CSMD3: variants seen among roughly 807,000 people sequenced by gnomAD.
CSMD3 encodes the protein CUB and sushi domain-containing protein 3.
A neutral mutation model predicts 435.2 loss-of-function variants in CSMD3; 177 were observed. The ratio of observed to expected loss-of-function variants is 0.41; its 90% confidence interval spans 0.36 to 0.46. The LOEUF (loss-of-function observed/expected upper bound fraction) is 0.46, where lower values mean the gene tolerates loss of function less well. Among genes scored for constraint, CSMD3 ranks in the 20% least tolerant of loss-of-function variants. CSMD3 has a pLI of 0.34. For missense variants in CSMD3, 4,265 were observed against 4,504.6 expected (o/e 0.95, Z 1.52); for synonymous variants, 1,656 against 1,520.5 (o/e 1.09, Z -2.07).
chr8:112,530,423 T>C (rs1043545519), intron 27 of CSMD3, among the ~76,000 whole-genome samples: 4 of 151,984 alleles, frequency 2.6e-5, no homozygotes, highest in Non-Finnish European at 2.9e-5. Flanking sequence ...GAAGAACAAC[T>C]TGTCACATAT....
chr8:112,367,057 A>T (rs1174944924), intron 38 of CSMD3, among the ~76,000 whole-genome samples: 1 of 152,060 alleles, frequency 6.6e-6, no homozygotes. Flanking sequence ...GTATGTCTGT[A>T]ACTTAGAAAA....
At chr8:112,351,288 G>A in intron 39 of CSMD3, 44 bp from the exon 40 acceptor site, 1 of 1,304,098 alleles carries the variant, frequency 7.7e-7, no homozygotes, top group South Asian at 1.2e-5. Context: ...TACATAAAAA[G>A]TTTAAATTTA....
chr8:113,262,137 C>A (rs1487472898), intron 3 of CSMD3, among the ~76,000 whole-genome samples: 3 of 151,772 alleles, frequency 2.0e-5, no homozygotes, highest in Admixed American at 6.6e-5. Context: ...GCCATCTTGA[C>A]AAATGAAGCC....
At chr8:112,409,528 G>C (rs1832154828) in intron 32 of CSMD3, among the ~76,000 whole-genome samples, 1 of 151,924 alleles carries the variant, frequency 6.6e-6, no homozygotes, top group Non-Finnish European at 1.5e-5. Context: ...AGATTAGCGA[G>C]ATTCTTTTCA....
chr8:112,688,860 A>G (rs761648211), intron 14 of CSMD3, among the ~76,000 whole-genome samples: 8 of 151,994 alleles, frequency 5.3e-5, no homozygotes, highest in Non-Finnish European at 1.2e-4. Context: ...AATTTTCAGT[A>G]TTTTCACTAA....
chr8:112,887,705 T>C (rs1447996643), intron 10 of CSMD3, among the ~76,000 whole-genome samples: 2 of 150,370 alleles, frequency 1.3e-5, no homozygotes, highest in East Asian at 4.0e-4. Flanking sequence ...AATAAATGGT[T>C]GATTACTTAA....
chr8:113,344,745 T>TC (rs1207844449), intron 1 of CSMD3, among the ~76,000 whole-genome samples: 2 of 152,158 alleles, frequency 1.3e-5, no homozygotes, highest in Non-Finnish European at 2.9e-5. Context: ...AGTGAGCCAC[T>TC]CATATTTTCT....
At chr8:113,095,911 C>A (rs928764732) in intron 5 of CSMD3, among the ~76,000 whole-genome samples, 19 of 152,180 alleles carry the variant, frequency 1.2e-4, no homozygotes, top group Admixed American at 3.3e-4. Flanking sequence ...TAAGGGATAA[C>A]TGTACTGTAT....
chr8:113,008,084 A>G (rs2086123947), intron 6 of CSMD3, among the ~76,000 whole-genome samples: 1 of 151,750 alleles, frequency 6.6e-6, no homozygotes, highest in African/African-American at 2.4e-5. Context: ...AGTACTAAAA[A>G]GAAAAAAAAA....
chr8:113,245,800 C>A (rs1171492978), intron 3 of CSMD3, among the ~76,000 whole-genome samples: 1 of 151,926 alleles, frequency 6.6e-6, no homozygotes, highest in Non-Finnish European at 1.5e-5. Context: ...CTAGATATTT[C>A]TGTGAGAAAG....
chr8:112,677,763 T>C (rs1369394652), intron 16 of CSMD3, among the ~76,000 whole-genome samples: 3 of 151,968 alleles, frequency 2.0e-5, no homozygotes, highest in Non-Finnish European at 4.4e-5. Context: ...AAATAGTAAC[T>C]CAAGAAACTT....
chr8:112,495,748 A>T (rs985923051), intron 30 of CSMD3, among the ~76,000 whole-genome samples: 4 of 151,976 alleles, frequency 2.6e-5, no homozygotes, highest in Admixed American at 1.3e-4. Context: ...TGCATAATTA[A>T]TTTTTTCTGC....
At position 113,303,362 on chromosome 8, in the gene CSMD3, G is replaced by C. The variant is rs200226238; in HGVS notation, c.401+11209C>G. Among the ~76,000 whole-genome samples the C allele has an allele frequency of 4.7e-5, 7 of 150,008 alleles. No individual in the cohort carries two copies. The South Asian group carries it at 1.5e-3, about 32-fold the overall frequency. Reference sequence around the variant, plus strand: ...CAAGGTAATTTACAGATTCAATGCCGTCCCCATCAAGCTACCAATGACTTT... The same window carrying C: ...CAAGGTAATTTACAGATTCAATGCCCTCCCCATCAAGCTACCAATGACTTT... On this transcript the variant is annotated intron_variant, in intron 2 of 70. Transcript: ENST00000297405.
chr8:112,650,758 G>C (rs1385408803), intron 18 of CSMD3, among the ~76,000 whole-genome samples: 1 of 135,124 alleles, frequency 7.4e-6, no homozygotes, highest in African/African-American at 2.8e-5. Flanking sequence ...CATTTTGCAA[G>C]GTATGAAAGT....
intron 6 of CSMD3, among the ~76,000 whole-genome samples, chr8:112,999,016 C>T (rs985626452): frequency 2.4e-4 from 37 of 152,026 alleles, no homozygotes; most frequent in African/African-American, 8.0e-4. Flanking sequence ...TTCTTTACAG[C>T]AGTGTGAGAA....
intron 22 of CSMD3, among the ~76,000 whole-genome samples, chr8:112,631,127 T>C (rs1300288096): frequency 6.6e-6 from 1 of 152,176 alleles, no homozygotes; most frequent in Non-Finnish European, 1.5e-5. Context: ...GATCAATGAC[T>C]AAGAAATGCC....
chr8:112,351,388 A>G, intron 39 of CSMD3, 144 bp from the exon 40 acceptor site: 1 of 601,558 alleles, frequency 1.7e-6, no homozygotes, highest in Non-Finnish European at 3.0e-6. Context: ...AAATCTTAGC[A>G]TGATTAAAGT....
intron 1 of CSMD3, among the ~76,000 whole-genome samples, chr8:113,368,068 T>TTC (rs2094324261): frequency 6.6e-6 from 1 of 152,054 alleles, no homozygotes; most frequent in Non-Finnish European, 1.5e-5. Context: ...AATGAAAAAA[T>TTC]TAACTACACT....
chr8:113,300,938 A>G (rs560714344), intron 2 of CSMD3, among the ~76,000 whole-genome samples: 1 of 152,284 alleles, frequency 6.6e-6, no homozygotes, highest in African/African-American at 2.4e-5. Flanking sequence ...CACAGCATGG[A>G]TAACTCTTAG....
Sources: gnomAD v4.1 joint callset for allele counts (sites outside exome capture counted in the v4.1 genomes callset) on GRCh38, gnomAD v4.1.1 for gene constraint, MANE v1.5 for transcripts, NCBI Gene and HGNC (gene_info 2026-07-23, HGNC 2026-07-21) for gene names.